The following PPM1B variants were observed in gnomAD, a reference collection of about 807,000 sequenced individuals.
PPM1B encodes the protein protein phosphatase, Mg2+/Mn2+ dependent 1B, also known as protein phosphatase 1B.
PPM1B carries 22 observed loss-of-function variants against 43.0 expected under a neutral mutation model. That is an observed-to-expected ratio of 0.51 (90% CI 0.37 to 0.73). PPM1B has a LOEUF of 0.73. Ranked by LOEUF, PPM1B falls within the 30% of genes least tolerant of loss-of-function variation. The pLI, the probability that PPM1B is intolerant of heterozygous loss-of-function variation, is 0.00. For synonymous variants in PPM1B, 217 were observed against 197.9 expected, an observed-to-expected ratio of 1.10 and a Z score of -0.81; for missense variants, 632 against 584.2, an observed-to-expected ratio of 1.08 and a Z score of -0.84.
intron 5 of PPM1B, among the ~76,000 whole-genome samples, chr2:44,226,981 TGA>T (rs1670247786): frequency 1.3e-5 from 2 of 151,484 alleles, no homozygotes; most frequent in South Asian, 4.2e-4. Flanking sequence ...TATGAATGAA[TGA>T]ATGAATGAAT....
At chr2:44,239,250 C>A (rs1345823982), downstream of PPM1B, among the ~76,000 whole-genome samples, 2 of 149,446 alleles carry the variant, frequency 1.3e-5, no homozygotes, top group South Asian at 4.2e-4. Context: ...TTTCTGATTA[C>A]ATGTGAGAAA....
downstream of PPM1B, chr2:44,234,678 G>C (rs1572764763): frequency 1.1e-6 from 1 of 941,300 alleles, no homozygotes. Context: ...AAGTATTTTG[G>C]TCTGAGGACC....
At chr2:44,234,629 A>G (rs1670563029), downstream of PPM1B, 19 of 984,882 alleles carry the variant, frequency 1.9e-5, no homozygotes, top group Non-Finnish European at 2.3e-5. Flanking sequence ...ACCCATATTC[A>G]GTGTTGACTC....
chr2:44,186,912 A>G lies in PPM1B; in HGVS notation c.-14-14274A>G, dbSNP rs113435923. On this transcript the variant is annotated intron_variant, in intron 1 of 5. Coordinates refer to ENST00000282412, the MANE Select transcript of PPM1B (RefSeq NM_002706.6). Reference sequence around the variant, plus strand: ...AAAAAGCACATAATACAACATAACCATCTTAACCATTTTTAAGTGTACAGT... The same window carrying G: ...AAAAAGCACATAATACAACATAACCGTCTTAACCATTTTTAAGTGTACAGT... 8.5e-5 allele frequency among the ~76,000 whole-genome samples: 13 copies of G among 152,370 alleles called. 1 individual carries two copies. The highest frequency in any genetic ancestry group is 3.1e-4 in the African/African-American group (13 of 41,580).
intron 5 of PPM1B, among the ~76,000 whole-genome samples, chr2:44,228,377 T>G (rs1314214363): frequency 6.6e-6 from 1 of 152,030 alleles, no homozygotes; most frequent in East Asian, 1.9e-4. Context: ...TCTCATTGTG[T>G]TTCCCAGGCT....
chr2:44,218,975 A>G, intron 5 of PPM1B: 1 of 418,812 alleles, frequency 2.4e-6, no homozygotes, highest in Non-Finnish European at 4.6e-6. Context: ...GCCCACTTGG[A>G]ATACCCGAGG....
chr2:44,225,233 T>C (rs1012890267), intron 5 of PPM1B, among the ~76,000 whole-genome samples: 1 of 152,206 alleles, frequency 6.6e-6, no homozygotes, highest in Non-Finnish European at 1.5e-5. Context: ...TAGAATGGAA[T>C]ATGAAATTGT....
chr2:44,208,011 C>T (rs1378725591), intron 2 of PPM1B, among the ~76,000 whole-genome samples: 1 of 151,546 alleles, frequency 6.6e-6, no homozygotes, highest in South Asian at 2.1e-4. Context: ...GCCTCAGCCT[C>T]CTGAGTAGCT....
chr2:44,201,591 G>T lies in PPM1B; in HGVS notation c.392G>T (p.Gly131Val). ...SDLRNGMDRS[G>V]STAVGVMISP... ...CTCAGAAACGGGATGGACAGGAGTG[G>T]TTCAACTGCAGTGGGAGTTATGATT... The change falls in exon 2 of 6, where the codon GGT becomes GTT. Residue 131 changes from glycine (G) to valine (V), a missense_variant. Physicochemically the swap from Gly to Val is moderately radical, Grantham distance 109. Coordinates refer to ENST00000282412, the MANE Select transcript of PPM1B (RefSeq NM_002706.6). The surrounding 1 kb of genome is among the most constrained non-coding windows in gnomAD (Gnocchi z 5.4). 1 of 1,614,188 alleles carries T rather than the reference G, an allele frequency of 6.2e-7. No homozygotes were observed. Among genetic ancestry groups the T allele is most frequent in the Non-Finnish European group, 8.5e-7 (1 of 1,180,036 alleles).
intron 2 of PPM1B, among the ~76,000 whole-genome samples, chr2:44,208,869 T>C (rs1486423941): frequency 6.6e-6 from 1 of 152,216 alleles, no homozygotes; most frequent in Non-Finnish European, 1.5e-5. Context: ...GGAGGATCCA[T>C]TGTGGACTTA....
chr2:44,240,578 T>A (rs1030582433), intron 5 of PPM1B, among the ~76,000 whole-genome samples: 5 of 144,612 alleles, frequency 3.5e-5, no homozygotes, highest in African/African-American at 9.9e-5. Flanking sequence ...ATCTAAAATT[T>A]AAAAAAAAAT....
intron 1 of PPM1B, among the ~76,000 whole-genome samples, chr2:44,177,934 T>A (rs959291757): frequency 1.3e-4 from 20 of 150,440 alleles, no homozygotes; most frequent in African/African-American, 4.4e-4. Context: ...TTTTTTTTTT[T>A]AATAAGACAG....
rs1669273218 is a variant in PPM1B at position 44,207,979 on chromosome 2, C to G, written c.847-1231C>G. On this transcript the variant is annotated intron_variant, in intron 2 of 5. Transcript: ENST00000282412. ...TCTCAGCTCACTGCAACCTCCACCTCCCGGGTTCAAGTGATTCTCCTGCCT... is the reference window on the plus strand; with the variant it reads ...TCTCAGCTCACTGCAACCTCCACCTGCCGGGTTCAAGTGATTCTCCTGCCT... Among the ~76,000 whole-genome samples, 3 of 151,232 alleles carry G rather than the reference C, an allele frequency of 2.0e-5. No individual in the cohort carries two copies. In the South Asian group the frequency reaches 6.3e-4, roughly 32 times the overall value.
chr2:44,191,759 A>G (rs952549047), intron 1 of PPM1B, among the ~76,000 whole-genome samples: 2 of 152,088 alleles, frequency 1.3e-5, no homozygotes, highest in Non-Finnish European at 2.9e-5. Context: ...TTATTCTACC[A>G]AATATCACTC....
At chr2:44,214,403 A>C (rs1215315006) in intron 3 of PPM1B, among the ~76,000 whole-genome samples, 1 of 151,382 alleles carries the variant, frequency 6.6e-6, no homozygotes, top group Non-Finnish European at 1.5e-5. Flanking sequence ...ATAAATTGTT[A>C]CAAAAAAAGC....
downstream of PPM1B, chr2:44,232,751 A>G (rs899070451): frequency 1.6e-5 from 16 of 992,740 alleles, no homozygotes; most frequent in East Asian, 1.3e-3. Context: ...AAAGAATTGT[A>G]TGATATGTTC....
chr2:44,197,732 G>A (rs1181465851), intron 1 of PPM1B, among the ~76,000 whole-genome samples: 1 of 152,172 alleles, frequency 6.6e-6, no homozygotes, highest in Admixed American at 6.5e-5. Context: ...TAGCCACTTA[G>A]TTGTGTTGTC....
chr2:44,204,350 T>C (rs1370013423), intron 2 of PPM1B, among the ~76,000 whole-genome samples: 1 of 152,190 alleles, frequency 6.6e-6, no homozygotes, highest in Non-Finnish European at 1.5e-5. Context: ...CACTTAGCGA[T>C]TGCACAGTAG....
At position 44,218,536 on chromosome 2, in the gene PPM1B, G is replaced by A; in HGVS notation, c.1133G>A (p.Gly378Glu). ...CTGAATCCACATAGAGAAAGTGATG[G>A]GGTAAGTTTTATTTTATTTCATAAG... ...SRLNPHRESD[G>E]ASDEAEESGS... Residue 378 changes from glycine (G) to glutamate (E), a missense_variant and splice_region_variant, in exon 5 of 6, where the codon GGG (glycine) becomes GAG (glutamate). Around this residue, in one of 3 missense-constraint regions of PPM1B, gnomAD observed 392 missense variants for 302.7 expected, o/e 1.29. Coordinates refer to ENST00000282412, the MANE Select transcript of PPM1B (RefSeq NM_002706.6). 6.3e-7 allele frequency: 1 copy of A among 1,576,168 alleles called. No homozygotes were observed. Among genetic ancestry groups the A allele is most frequent in the Admixed American group, 1.9e-5 (1 of 51,342 alleles).
Sources: gnomAD v4.1 joint callset for allele counts (sites outside exome capture counted in the v4.1 genomes callset) on GRCh38, gnomAD v4.1.1 for gene constraint, gnomAD v4.1.1 regional missense constraint, Gnocchi (gnomAD v3.1) non-coding constraint, MANE v1.5 for transcripts, NCBI Gene and HGNC (gene_info 2026-07-23, HGNC 2026-07-21) for gene names.